NOS1AP: variants seen among roughly 807,000 people sequenced by gnomAD.
NOS1AP encodes the protein carboxyl-terminal PDZ ligand of neuronal nitric oxide synthase protein.
Under a neutral mutation model 56.2 loss-of-function variants are expected in NOS1AP, and 21 were observed. The ratio of observed to expected loss-of-function variants is 0.37; its 90% CI spans 0.26 to 0.54. The LOEUF is 0.54. Among genes scored for constraint, NOS1AP ranks in the 20% least tolerant of loss-of-function variants. NOS1AP has a pLI of 0.84. For synonymous variants in NOS1AP, 270 were observed against 274.6 expected (o/e 0.98, Z 0.17); for missense variants, 522 against 657.8 (o/e 0.79, Z 2.26).
chr1:162,171,558 C>T (rs1158401402), intron 2 of NOS1AP, among the ~76,000 whole-genome samples: 3 of 152,152 alleles, frequency 2.0e-5, no homozygotes, highest in Admixed American at 2.0e-4. Context: ...TACTGGTCTT[C>T]ACTCCTGCTA....
chr1:162,330,488 C>A (rs1357924539), intron 4 of NOS1AP, among the ~76,000 whole-genome samples: 1 of 152,168 alleles, frequency 6.6e-6, no homozygotes, highest in Admixed American at 6.5e-5. Flanking sequence ...TCTTGGCGGC[C>A]ATCAAAGGTG....
At chr1:162,149,833 T>C (rs1157718119) in intron 1 of NOS1AP, among the ~76,000 whole-genome samples, 1 of 152,254 alleles carries the variant, frequency 6.6e-6, no homozygotes, top group Non-Finnish European at 1.5e-5. Flanking sequence ...TTAAAAAATT[T>C]ATTTTCAATT....
chr1:162,296,271 G>A (rs1263582910), intron 3 of NOS1AP, among the ~76,000 whole-genome samples: 1 of 152,092 alleles, frequency 6.6e-6, no homozygotes, highest in Non-Finnish European at 1.5e-5. Context: ...TGGTGACAGA[G>A]CGAGACTCTG....
rs558787493 is a variant in NOS1AP, at chr1:162,200,640, C to A, written c.177+46164C>A. Among the ~76,000 whole-genome samples the A allele has an allele frequency of 1.8e-4, 28 of 152,154 alleles. 1 individual carries two copies. The highest frequency in any genetic ancestry group is 3.4e-4 in the Non-Finnish European group (23 of 68,018). On this transcript the variant is annotated intron_variant, in intron 2 of 9. Coordinates refer to ENST00000361897, the MANE Select transcript of NOS1AP (RefSeq NM_014697.3). Reference sequence around the variant, plus strand: ...CTGGACTAGGTTCAGAGTGATATCACCCCTGAGGAATTCTTTGGAGAATAT... The same window carrying A: ...CTGGACTAGGTTCAGAGTGATATCAACCCTGAGGAATTCTTTGGAGAATAT...
At chr1:162,200,658 G>T (rs1167255417) in intron 2 of NOS1AP, among the ~76,000 whole-genome samples, 6 of 152,300 alleles carry the variant, frequency 3.9e-5, no homozygotes, top group African/African-American at 1.4e-4. Context: ...GAATTCTTTG[G>T]AGAATATGGG....
At chr1:162,181,976 C>A (rs1027106139) in intron 2 of NOS1AP, among the ~76,000 whole-genome samples, 1 of 152,144 alleles carries the variant, frequency 6.6e-6, no homozygotes, top group Admixed American at 6.5e-5. Context: ...TCCCACTTGA[C>A]ATTTGCATTG....
Position 162,230,299 on chromosome 1 carries a change from A to G in NOS1AP, c.178-57045A>G, listed in dbSNP as rs1653082254. Among the ~76,000 whole-genome samples the G allele has an allele frequency of 2.6e-5, 4 of 152,330 alleles. No individual in the cohort carries two copies. The South Asian group carries it at 8.3e-4, about 32-fold the overall frequency. On this transcript the variant is annotated intron_variant, in intron 2 of 9. Transcript: ENST00000361897. Reference sequence around the variant, plus strand: ...TGGCCAGGAAGTTGCCTGCTGTGCCATAGAAGTAAGAACAAAAGCACTAGA... The same window carrying G: ...TGGCCAGGAAGTTGCCTGCTGTGCCGTAGAAGTAAGAACAAAAGCACTAGA...
At chr1:162,167,330 G>A (rs915704685) in intron 2 of NOS1AP, among the ~76,000 whole-genome samples, 1 of 152,206 alleles carries the variant, frequency 6.6e-6, no homozygotes, top group African/African-American at 2.4e-5. Context: ...TTATTAAATA[G>A]GTGGAGTGTA....
chr1:162,129,313 T>C (rs1648640673), intron 1 of NOS1AP, among the ~76,000 whole-genome samples: 1 of 152,142 alleles, frequency 6.6e-6, no homozygotes, highest in Non-Finnish European at 1.5e-5. Context: ...CTCCCCATAA[T>C]TGTATAAGTA....
rs554777789 is a variant in NOS1AP, at chr1:162,287,322, T to C, written c.178-22T>C. The stretch of plus-strand genomic sequence containing the variant: ...TGATCTCATCAGATTGCACTTTCTT[T>C]TTGTTTTCTTCTTTCTTGCAGTATG... On this transcript the variant is annotated intron_variant, in intron 2 of 9. Coordinates refer to ENST00000361897, the MANE Select transcript of NOS1AP (RefSeq NM_014697.3). 4 of 1,561,486 alleles carry C rather than the reference T, an allele frequency of 2.6e-6. No individual in the cohort carries two copies. In the African/African-American group the frequency reaches 4.1e-5, roughly 16 times the overall value.
intron 2 of NOS1AP, among the ~76,000 whole-genome samples, chr1:162,282,211 A>G (rs1001712555): frequency 1.3e-5 from 2 of 152,208 alleles, no homozygotes; most frequent in African/African-American, 4.8e-5. Flanking sequence ...GAACTTTTTC[A>G]TCTTGCAAAG....
At chr1:162,234,735 A>G (rs1428425392) in intron 2 of NOS1AP, among the ~76,000 whole-genome samples, 2 of 152,142 alleles carry the variant, frequency 1.3e-5, no homozygotes, top group Admixed American at 6.5e-5. Context: ...TCCATTCCAG[A>G]AACCACAGAT....
At chr1:162,232,700 A>C (rs548532761) in intron 2 of NOS1AP, among the ~76,000 whole-genome samples, 1 of 152,326 alleles carries the variant, frequency 6.6e-6, no homozygotes, top group Admixed American at 6.5e-5. Context: ...GTGAAAGTAC[A>C]TGAGACCAAC....
intron 5 of NOS1AP, among the ~76,000 whole-genome samples, chr1:162,343,120 G>A (rs1657163483): frequency 6.6e-6 from 1 of 152,200 alleles, no homozygotes; most frequent in Non-Finnish European, 1.5e-5. Flanking sequence ...CTCTACATAG[G>A]AGCAGGCTTC....
At chr1:162,122,904 T>C (rs1648301244) in intron 1 of NOS1AP, among the ~76,000 whole-genome samples, 1 of 152,218 alleles carries the variant, frequency 6.6e-6, no homozygotes, top group Non-Finnish European at 1.5e-5. Flanking sequence ...CCTAATATTA[T>C]GTAAATGTAA....
At chr1:162,186,418 C>A (rs533330152) in intron 2 of NOS1AP, among the ~76,000 whole-genome samples, 10 of 148,744 alleles carry the variant, frequency 6.7e-5, no homozygotes, top group South Asian at 2.2e-4. Flanking sequence ...CAAAACAAAA[C>A]AAAAAAAAAC....
intron 3 of NOS1AP, among the ~76,000 whole-genome samples, chr1:162,287,869 A>G (rs1460568297): frequency 6.6e-6 from 1 of 152,168 alleles, no homozygotes; most frequent in Non-Finnish European, 1.5e-5. Flanking sequence ...CCCAGGTGCC[A>G]TGCAGCCCCC....
At chr1:162,185,045 A>C (rs1322909859) in intron 2 of NOS1AP, among the ~76,000 whole-genome samples, 1 of 152,146 alleles carries the variant, frequency 6.6e-6, no homozygotes, top group Non-Finnish European at 1.5e-5. Context: ...TGCCTTTTCT[A>C]GCTTAAAGAG....
At chr1:162,310,125 C>T (rs760870147) in intron 4 of NOS1AP, among the ~76,000 whole-genome samples, 9 of 152,268 alleles carry the variant, frequency 5.9e-5, no homozygotes, top group South Asian at 4.1e-4. Context: ...ACATGCCCCA[C>T]GCTCCAACTC....
Sources: gnomAD v4.1 joint callset for allele counts (sites outside exome capture counted in the v4.1 genomes callset) on GRCh38, gnomAD v4.1.1 for gene constraint, MANE v1.5 for transcripts, NCBI Gene and HGNC (gene_info 2026-07-23, HGNC 2026-07-21) for gene names.